Variants in LRRC9 observed in about 807,000 individuals in gnomAD.
The protein encoded by LRRC9 is leucine rich repeat containing 9, also known as leucine-rich repeat-containing protein 9.
In LRRC9, 122 loss-of-function variants were observed where a neutral mutation model predicts 63.2. That is an observed-to-expected ratio of 1.93 (90% CI 1.67 to 2.24). The LOEUF (loss-of-function observed/expected upper bound fraction) is 2.24. Among genes scored for constraint, LRRC9 ranks in the 30% most tolerant of loss-of-function variants. The pLI is 0.00. For synonymous variants in LRRC9, 366 were observed against 213.1 expected, an observed-to-expected ratio of 1.72 and a Z score of -6.25; for missense variants, 1,071 against 627.7, an observed-to-expected ratio of 1.71 and a Z score of -7.55.
At chr14:60,059,867 T>C (rs1226225331) in intron 31 of LRRC9, among the ~76,000 whole-genome samples, 2 of 152,202 alleles carry the variant, frequency 1.3e-5, no homozygotes, top group African/African-American at 4.8e-5. Flanking sequence ...CTAGCTAGGA[T>C]CATTGATGAA....
intron 24 of LRRC9, among the ~76,000 whole-genome samples, chr14:60,018,106 T>C (rs60228174): frequency 0.025 from 3,867 of 152,180 alleles, 119 homozygotes; most frequent in African/African-American, 0.08. Flanking sequence ...GTTTCTTCTA[T>C]AATAGTGCTA....
At chr14:59,955,746 A>T (rs929759846) in intron 8 of LRRC9, among the ~76,000 whole-genome samples, 7 of 152,136 alleles carry the variant, frequency 4.6e-5, no homozygotes, top group Admixed American at 3.3e-4. Context: ...TGTCGATTTT[A>T]GATCTTTCTA....
At chr14:60,063,862 G>A (rs983131982), downstream of LRRC9, among the ~76,000 whole-genome samples, 5 of 152,144 alleles carry the variant, frequency 3.3e-5, no homozygotes, top group Admixed American at 3.3e-4. Context: ...AAAGCAAGAT[G>A]AGTTTTGCTA....
chr14:59,930,421 A>G lies in LRRC9; in HGVS notation c.268-497A>G, dbSNP rs1387561769. 1.3e-5 allele frequency among the ~76,000 whole-genome samples: 2 copies of G among 152,016 alleles called. No homozygotes were observed. Among genetic ancestry groups the G allele is most frequent in the East Asian group, 3.8e-4 (2 of 5,200 alleles). On this transcript the variant is annotated intron_variant, in intron 3 of 31. Coordinates refer to ENST00000445360, the Ensembl canonical transcript of LRRC9. The surrounding 1 kb of genome is among the most constrained non-coding windows in gnomAD (Gnocchi z 4.9). Reference sequence around the variant, plus strand: ...TTATAACTAAAAATTTGAAACATAAATATGCCATACATCAGGTAATTTTTC... The same window carrying G: ...TTATAACTAAAAATTTGAAACATAAGTATGCCATACATCAGGTAATTTTTC...
chr14:59,981,839 AT>A lies in LRRC9; in HGVS notation c.1879-3del. On this transcript the variant is annotated splice_region_variant and splice_polypyrimidine_tract_variant and intron_variant, in intron 15 of 31. Coordinates refer to ENST00000445360, the Ensembl canonical transcript of LRRC9. ...ACTGATTTTGCAATGTTTTTAATACATTTTTTAGGTCAAGGCACCCTCTTTA... is the reference window on the plus strand; with the variant it reads ...ACTGATTTTGCAATGTTTTTAATACATTTTTAGGTCAAGGCACCCTCTTTA... 1.5e-6 allele frequency: 1 copy of A among 680,930 alleles called. No homozygotes were observed. Among genetic ancestry groups the A allele is most frequent in the Non-Finnish European group, 2.6e-6 (1 of 378,868 alleles). The allele number at this position is 680,930 out of a possible 1,614,324, so 42.2% of individuals were successfully genotyped here. A position where few individuals can be genotyped will look rare whatever the true frequency, so the allele number is the denominator to read the frequency against.
intron 29 of LRRC9, among the ~76,000 whole-genome samples, chr14:60,040,151 A>G (rs1467804083): frequency 6.6e-6 from 1 of 151,850 alleles, no homozygotes; most frequent in East Asian, 1.9e-4. Context: ...CTGTTCTTTT[A>G]TATTTGCTGA....
chr14:59,952,725 T>C (rs1883299515), intron 8 of LRRC9, among the ~76,000 whole-genome samples: 1 of 152,156 alleles, frequency 6.6e-6, no homozygotes, highest in Non-Finnish European at 1.5e-5. Flanking sequence ...TTTGACATGA[T>C]AGTTTGCTGC....
chr14:59,972,172 A>G (rs1312701478), intron 12 of LRRC9, among the ~76,000 whole-genome samples: 1 of 152,024 alleles, frequency 6.6e-6, no homozygotes, highest in African/African-American at 2.4e-5. Flanking sequence ...GCTGTTTTCT[A>G]TTTTTACCCT....
chr14:59,923,936 A>T lies in LRRC9; in HGVS notation c.-33-3975A>T, dbSNP rs887458574. ...ACTCCAGCCTGGGAGACAGAGCAAG[A>T]CTCCGTCTTAAAACAACAATAACAA... On this transcript the variant is annotated intron_variant, in intron 1 of 31. Coordinates refer to ENST00000445360, the Ensembl canonical transcript of LRRC9. The surrounding 1 kb of genome is among the most constrained non-coding windows in gnomAD (Gnocchi z 4.2). 6.6e-6 allele frequency among the ~76,000 whole-genome samples: 1 copy of T among 152,192 alleles called. No individual in the cohort carries two copies. Among genetic ancestry groups the T allele is most frequent in the African/African-American group, 2.4e-5 (1 of 41,442 alleles).
intron 17 of LRRC9, among the ~76,000 whole-genome samples, chr14:59,985,769 A>G (rs1887401766): frequency 6.6e-6 from 1 of 152,188 alleles, no homozygotes; most frequent in Admixed American, 6.5e-5. Context: ...CAGCCTAAAT[A>G]CATATACTGT....
chr14:60,032,683 G>A (rs1375274562), intron 29 of LRRC9, among the ~76,000 whole-genome samples: 4 of 152,166 alleles, frequency 2.6e-5, no homozygotes, highest in African/African-American at 4.8e-5. Context: ...TTAGCTTAGT[G>A]AGAAGTCAAA....
At chr14:59,945,596 T>C (rs1459200654) in intron 8 of LRRC9, among the ~76,000 whole-genome samples, 1 of 152,016 alleles carries the variant, frequency 6.6e-6, no homozygotes, top group African/African-American at 2.4e-5. Flanking sequence ...AAATGTAGAA[T>C]TGATTTTTTA....
intron 12 of LRRC9, chr14:59,973,611 C>T (rs1216713465): frequency 6.6e-6 from 1 of 152,094 alleles, no homozygotes; most frequent in African/African-American, 2.4e-5. Flanking sequence ...AGACTACTTA[C>T]AATGCAATGT....
chr14:59,951,577 C>T (rs1395405308), intron 8 of LRRC9, among the ~76,000 whole-genome samples: 5 of 147,104 alleles, frequency 3.4e-5, no homozygotes, highest in Middle Eastern at 3.2e-3. Flanking sequence ...AGGCGCTCTG[C>T]GTTTTAGAGT....
chr14:60,032,311 AT>A (rs1892056191), intron 29 of LRRC9, among the ~76,000 whole-genome samples: 1 of 152,020 alleles, frequency 6.6e-6, no homozygotes. Flanking sequence ...CTGTGCCAAT[AT>A]TATATAGTGT....
At chr14:59,937,193 T>C (rs967852780) in intron 6 of LRRC9, among the ~76,000 whole-genome samples, 11 of 136,616 alleles carry the variant, frequency 8.1e-5, no homozygotes, top group Admixed American at 3.7e-4. Context: ...AAATGTTTTC[T>C]GTAAAAAAAA....
Position 59,922,037 on chromosome 14 carries a change from T to C in LRRC9, c.-34+2154T>C, listed in dbSNP as rs1888826784. Among the ~76,000 whole-genome samples the C allele has an allele frequency of 6.6e-6, 1 of 151,702 alleles. No individual in the cohort carries two copies. Among genetic ancestry groups the C allele is most frequent in the South Asian group, 2.1e-4 (1 of 4,810 alleles). On this transcript the variant is annotated intron_variant, in intron 1 of 31. Transcript: ENST00000445360. This position sits in a 1 kb window ranked among gnomAD's most constrained non-coding sequence, Gnocchi z 5.3. ...AGGCAGAGGTTGGAGTGAGCCCAGA[T>C]TGTGCCACTGCAGTCAAGCCTGGGC...
chr14:59,977,911 G>T, intron 14 of LRRC9, 106 bp from the exon 15 acceptor site: 1 of 529,586 alleles, frequency 1.9e-6, no homozygotes, highest in South Asian at 2.8e-5. Flanking sequence ...TAATATAACT[G>T]TTGCAACTTA....
Position 60,059,620 on chromosome 14 carries a change from A to G in LRRC9, c.4276+1598A>G, listed in dbSNP as rs138109720. ...ATATGGATAAAGTGGTCCGGATAGG[A>G]TATCAACCAGCCACAACATTCCCTT... On this transcript the variant is annotated intron_variant, in intron 31 of 31. Coordinates refer to ENST00000445360, the Ensembl canonical transcript of LRRC9. Among the ~76,000 whole-genome samples, 246 of 152,350 alleles carry G rather than the reference A, an allele frequency of 1.6e-3. 2 individuals carry two copies. Among genetic ancestry groups the G allele is most frequent in the African/African-American group, 5.2e-3 (216 of 41,586 alleles).
Sources: gnomAD v4.1 joint callset for allele counts (sites outside exome capture counted in the v4.1 genomes callset) on GRCh38, gnomAD v4.1.1 for gene constraint, Gnocchi (gnomAD v3.1) non-coding constraint, MANE v1.5 for transcripts, NCBI Gene and HGNC (gene_info 2026-07-23, HGNC 2026-07-21) for gene names.